Variants in NDST3 observed in about 807,000 individuals in gnomAD.
NDST3 encodes the protein N-deacetylase and N-sulfotransferase 3.
A neutral mutation model predicts 96.1 loss-of-function variants in NDST3; 58 were observed. The ratio of observed to expected loss-of-function variants is 0.60; its 90% CI spans 0.49 to 0.75. The LOEUF (loss-of-function observed/expected upper bound fraction) is 0.75, where lower values mean the gene tolerates loss of function less well. Ranked by LOEUF, NDST3 falls within the 30% of genes least tolerant of loss-of-function variation. The pLI is 0.00. For missense variants in NDST3, 788 were observed against 1,034.2 expected (o/e 0.76, Z 3.27); for synonymous variants, 333 against 359.7 (o/e 0.93, Z 0.84).
chr4:118,049,676 G>C lies in NDST3; in HGVS notation c.-155-4080G>C, dbSNP rs549687925. On this transcript the variant is annotated intron_variant, in intron 1 of 13. Coordinates refer to ENST00000296499, the MANE Select transcript of NDST3 (RefSeq NM_004784.3). ...ATCTCCCAAAACTGAATCATTAAGA[G>C]TTTGAAACTCTGAAAAGACCAATAT... 2.6e-5 allele frequency among the ~76,000 whole-genome samples: 4 copies of C among 150,944 alleles called. No homozygotes were observed. The South Asian group carries it at 6.3e-4, about 24-fold the overall frequency.
chr4:118,229,392 A>G (rs2125997923), intron 8 of NDST3, among the ~76,000 whole-genome samples: 1 of 152,354 alleles, frequency 6.6e-6, no homozygotes, highest in East Asian at 1.9e-4. Flanking sequence ...ACAAAAATAT[A>G]AAACCGAAGA....
intron 6 of NDST3, among the ~76,000 whole-genome samples, chr4:118,162,481 G>A (rs1305671062): frequency 6.6e-6 from 1 of 151,854 alleles, no homozygotes; most frequent in South Asian, 2.1e-4. Flanking sequence ...AAAAACCTGA[G>A]AAAAACAAGC....
At chr4:118,234,723 G>A (rs934571362) in intron 9 of NDST3, among the ~76,000 whole-genome samples, 1 of 151,716 alleles carries the variant, frequency 6.6e-6, no homozygotes. Context: ...ATGTGGCTAG[G>A]TACTCTAATA....
chr4:118,174,718 T>C (rs530448723), intron 6 of NDST3, among the ~76,000 whole-genome samples: 26 of 152,042 alleles, frequency 1.7e-4, no homozygotes, highest in African/African-American at 6.0e-4. Flanking sequence ...TTTGGCACTG[T>C]TTCATTTTAA....
chr4:118,044,358 A>C (rs1432105408), intron 1 of NDST3, among the ~76,000 whole-genome samples: 1 of 152,304 alleles, frequency 6.6e-6, no homozygotes, highest in African/African-American at 2.4e-5. Flanking sequence ...TGTCCAGGTA[A>C]ATTTTTATTT....
chr4:118,084,481 G>C (rs1285283623), intron 2 of NDST3, among the ~76,000 whole-genome samples: 1 of 152,056 alleles, frequency 6.6e-6, no homozygotes, highest in African/African-American at 2.4e-5. Flanking sequence ...CACTCTTTTT[G>C]AAAGTACCTG....
At chr4:118,178,168 AT>A (rs1370477660) in intron 6 of NDST3, among the ~76,000 whole-genome samples, 1 of 152,004 alleles carries the variant, frequency 6.6e-6, no homozygotes, top group Non-Finnish European at 1.5e-5. Context: ...TTATTTTAAT[AT>A]TTTTAATTGT....
At chr4:118,058,632 TGTGCGC>T (rs1218763195) in intron 2 of NDST3, among the ~76,000 whole-genome samples, 68 of 18,730 alleles carry the variant, frequency 3.6e-3, no homozygotes, top group African/African-American at 6.3e-3. Flanking sequence ...TGTGTGTGTG[TGTGCGC>T]GCGCGCGCAC....
intron 2 of NDST3, among the ~76,000 whole-genome samples, chr4:118,083,216 T>C (rs1728158438): frequency 6.6e-6 from 1 of 152,224 alleles, no homozygotes; most frequent in African/African-American, 2.4e-5. Flanking sequence ...TTACAGTTAA[T>C]ATGGACTTAG....
intron 6 of NDST3, among the ~76,000 whole-genome samples, chr4:118,181,021 A>G (rs576545084): frequency 1.1e-4 from 16 of 152,272 alleles, no homozygotes; most frequent in African/African-American, 3.8e-4. Flanking sequence ...CTTGGTACCC[A>G]AAATGCCAAA....
chr4:118,054,168 C>T lies in NDST3; in HGVS notation c.258C>T (p.Ser86=). Reference sequence around the variant, plus strand: ...CCACAGTCCTAGTATTTGTAGAGAGCCAGTACTCATCTCTTGGTCAAGACA... The same window carrying T: ...CCACAGTCCTAGTATTTGTAGAGAGTCAGTACTCATCTCTTGGTCAAGACA... ...TDPTVLVFVE[S]QYSSLGQDII... is the part of the protein sequence containing the mutation. The change falls in exon 2 of 14, where the codon AGC becomes AGT. Residue 86 remains serine (S), a synonymous_variant. Transcript: ENST00000296499. 6.2e-7 allele frequency: 1 copy of T among 1,612,902 alleles called. No individual in the cohort carries two copies. Among genetic ancestry groups the T allele is most frequent in the Non-Finnish European group, 8.5e-7 (1 of 1,179,376 alleles).
At chr4:118,037,290 C>T (rs1724203774) in intron 1 of NDST3, among the ~76,000 whole-genome samples, 1 of 152,184 alleles carries the variant, frequency 6.6e-6, no homozygotes, top group Non-Finnish European at 1.5e-5. Flanking sequence ...ACAGTTTTTA[C>T]TCATAGAATA....
At chr4:118,230,309 C>A (rs763576417) in intron 8 of NDST3, among the ~76,000 whole-genome samples, 1 of 152,174 alleles carries the variant, frequency 6.6e-6, no homozygotes, top group Non-Finnish European at 1.5e-5. Context: ...CACGGTGGCT[C>A]ACGCCTGTAA....
intron 1 of NDST3, among the ~76,000 whole-genome samples, chr4:118,035,107 CAG>C (rs1464555215): frequency 3.3e-5 from 5 of 152,154 alleles, no homozygotes; most frequent in Non-Finnish European, 5.9e-5. Context: ...TTAAAGAAAA[CAG>C]ATATATCTTC....
At chr4:118,108,294 G>T (rs1391510302) in intron 3 of NDST3, among the ~76,000 whole-genome samples, 1 of 152,166 alleles carries the variant, frequency 6.6e-6, no homozygotes, top group Non-Finnish European at 1.5e-5. Flanking sequence ...ATGAAAAGAA[G>T]AGTTACTTTT....
intron 2 of NDST3, among the ~76,000 whole-genome samples, chr4:118,074,545 C>G (rs1734964461): frequency 6.6e-6 from 1 of 152,078 alleles, no homozygotes; most frequent in African/African-American, 2.4e-5. Context: ...GCTGTTTTGT[C>G]TGAAAGAAGG....
chr4:118,073,536 G>GT (rs1169957218), intron 2 of NDST3, among the ~76,000 whole-genome samples: 5 of 151,980 alleles, frequency 3.3e-5, no homozygotes, highest in Non-Finnish European at 7.4e-5. Flanking sequence ...GCCTCTGAGG[G>GT]TTTTTTGTAT....
intron 6 of NDST3, among the ~76,000 whole-genome samples, chr4:118,220,069 A>G (rs1453309650): frequency 6.6e-6 from 1 of 152,106 alleles, no homozygotes; most frequent in Non-Finnish European, 1.5e-5. Context: ...GCAATTCCTC[A>G]AAGATCTAGA....
chr4:118,192,693 G>A (rs1003765330), intron 6 of NDST3, among the ~76,000 whole-genome samples: 16 of 150,536 alleles, frequency 1.1e-4, no homozygotes, highest in Non-Finnish European at 2.1e-4. Context: ...CAGATCTGTA[G>A]TATAATTTGT....
Sources: gnomAD v4.1 joint callset for allele counts (sites outside exome capture counted in the v4.1 genomes callset) on GRCh38, gnomAD v4.1.1 for gene constraint, MANE v1.5 for transcripts, NCBI Gene and HGNC (gene_info 2026-07-23, HGNC 2026-07-21) for gene names.